The following GPC5 variants were observed in gnomAD, a reference collection of about 807,000 sequenced individuals.
GPC5 encodes glypican-5.
In GPC5, 47 loss-of-function variants were observed where a neutral mutation model predicts 53.9. That is an observed-to-expected ratio of 0.87 (90% CI 0.69 to 1.11). GPC5 has a LOEUF of 1.11. Ranked by LOEUF, GPC5 falls within the 50% of genes most tolerant of loss-of-function variation. The pLI, the probability that GPC5 is intolerant of heterozygous loss-of-function variation, is 0.00. For synonymous variants in GPC5, 286 were observed against 263.3 expected (o/e 1.09, Z -0.84); for missense variants, 748 against 713.1 (o/e 1.05, Z -0.56).
intron 7 of GPC5, among the ~76,000 whole-genome samples, chr13:92,281,263 G>A (rs900284026): frequency 6.6e-6 from 1 of 152,210 alleles, no homozygotes; most frequent in African/African-American, 2.4e-5. Context: ...CTCGAACTGG[G>A]TGGAGCCCAC....
intron 7 of GPC5, among the ~76,000 whole-genome samples, chr13:92,570,589 C>T (rs1246199951): frequency 2.0e-5 from 3 of 151,900 alleles, no homozygotes; most frequent in Admixed American, 2.0e-4. Flanking sequence ...ATTTATTTTA[C>T]TTAGTTGATA....
At chr13:92,096,250 C>T (rs1199247339) in intron 6 of GPC5, among the ~76,000 whole-genome samples, 1 of 152,216 alleles carries the variant, frequency 6.6e-6, no homozygotes, top group African/African-American at 2.4e-5. Flanking sequence ...ACTAACTCTC[C>T]CCCTTAGGGT....
At chr13:92,842,853 T>G (rs1186894693) in intron 7 of GPC5, among the ~76,000 whole-genome samples, 1 of 152,154 alleles carries the variant, frequency 6.6e-6, no homozygotes, top group Non-Finnish European at 1.5e-5. Context: ...AAAATGTTTA[T>G]AATACTTAAC....
At chr13:91,598,245 A>G (rs1421296594) in intron 2 of GPC5, among the ~76,000 whole-genome samples, 2 of 152,156 alleles carry the variant, frequency 1.3e-5, no homozygotes, top group Non-Finnish European at 2.9e-5. Context: ...AACTGGAAAA[A>G]GGTAGAAACT....
chr13:91,549,713 T>G (rs900175878), intron 2 of GPC5, among the ~76,000 whole-genome samples: 3 of 152,126 alleles, frequency 2.0e-5, no homozygotes, highest in Non-Finnish European at 4.4e-5. Context: ...AGTGAGATAC[T>G]ACTACAGACA....
At chr13:92,569,270 T>C (rs193261632) in intron 7 of GPC5, among the ~76,000 whole-genome samples, 81 of 152,052 alleles carry the variant, frequency 5.3e-4, no homozygotes, top group Non-Finnish European at 9.1e-4. Context: ...ATTGTTTCAA[T>C]GAATGCTCAC....
intron 7 of GPC5, among the ~76,000 whole-genome samples, chr13:92,615,081 A>G (rs1453243990): frequency 1.3e-5 from 2 of 152,230 alleles, no homozygotes; most frequent in African/African-American, 4.8e-5. Context: ...TCTTATGCAT[A>G]TGATTACCTC....
chr13:92,591,659 A>T (rs1053706694), intron 7 of GPC5, among the ~76,000 whole-genome samples: 2 of 152,136 alleles, frequency 1.3e-5, no homozygotes, highest in Admixed American at 6.5e-5. Context: ...CATTAGTTAT[A>T]GTCACCATGG....
chr13:92,251,060 T>G (rs1403281781), intron 7 of GPC5, among the ~76,000 whole-genome samples: 1 of 152,126 alleles, frequency 6.6e-6, no homozygotes, highest in African/African-American at 2.4e-5. Context: ...TTGTTATTCA[T>G]GTACTCCATG....
rs1880655329 is a variant in GPC5, at chr13:92,513,539, TCTCTCC to T, written c.1562-352740_1562-352735del. ...CTCTCTCATTCTCTTTCCCTCCCTT[TCTCTCC>T]CTTTCCTTTCCTTTCCTTTCCTTTT... is the stretch of plus-strand genomic sequence containing the variant. On this transcript the variant is annotated intron_variant, in intron 7 of 7. Coordinates refer to ENST00000377067, the MANE Select transcript of GPC5 (RefSeq NM_004466.6). Among the ~76,000 whole-genome samples the T allele has an allele frequency of 4.3e-4, 41 of 95,460 alleles. No individual in the cohort carries two copies. The Admixed American group carries it at 5.1e-3, about 12-fold the overall frequency. The allele number at this position is 95,460 out of a possible 152,430, so 62.6% of individuals were successfully genotyped here. A position where few individuals can be genotyped will look rare whatever the true frequency, so the allele number is the denominator to read the frequency against.
chr13:92,556,667 T>A (rs990296031), intron 7 of GPC5, among the ~76,000 whole-genome samples: 4 of 151,872 alleles, frequency 2.6e-5, no homozygotes, highest in Non-Finnish European at 4.4e-5. Context: ...TCAACCCCTT[T>A]TTTTAATGTA....
At chr13:92,405,487 G>T (rs1260609230) in intron 7 of GPC5, among the ~76,000 whole-genome samples, 1 of 152,134 alleles carries the variant, frequency 6.6e-6, no homozygotes, top group African/African-American at 2.4e-5. Context: ...TAAGTGTATA[G>T]AACCTATTTT....
chr13:91,901,153 A>G (rs1201253889), intron 5 of GPC5, among the ~76,000 whole-genome samples: 3 of 152,096 alleles, frequency 2.0e-5, no homozygotes, highest in African/African-American at 4.8e-5. Flanking sequence ...TTTGTTATAT[A>G]TAAATAACAA....
At chr13:92,760,947 T>C (rs1875143058) in intron 7 of GPC5, among the ~76,000 whole-genome samples, 1 of 152,192 alleles carries the variant, frequency 6.6e-6, no homozygotes, top group Non-Finnish European at 1.5e-5. Flanking sequence ...TTTCCACATA[T>C]TTGTGAATTT....
chr13:92,612,705 C>A (rs1387832380), intron 7 of GPC5, among the ~76,000 whole-genome samples: 1 of 151,998 alleles, frequency 6.6e-6, no homozygotes, highest in East Asian at 1.9e-4. Flanking sequence ...TTCATTCTCC[C>A]AACAGAATTC....
rs149241303 is a variant in GPC5 at position 91,635,634 on chromosome 13, G to A, written c.326-57553G>A. On this transcript the variant is annotated intron_variant, in intron 2 of 7. Coordinates refer to ENST00000377067, the MANE Select transcript of GPC5 (RefSeq NM_004466.6). ...ACTGATATCTTTAAATTACCTGAATGTATTGTAGTGAAGGCTGTGGGGTAG... is the reference window on the plus strand; with the variant it reads ...ACTGATATCTTTAAATTACCTGAATATATTGTAGTGAAGGCTGTGGGGTAG... Among the ~76,000 whole-genome samples, 455 of 152,108 alleles carry A rather than the reference G, an allele frequency of 3.0e-3. 3 individuals are homozygous for A. The highest frequency in any genetic ancestry group is 9.8e-3 in the African/African-American group (406 of 41,508).
chr13:92,631,425 G>C (rs548510661), intron 7 of GPC5, among the ~76,000 whole-genome samples: 1 of 152,026 alleles, frequency 6.6e-6, no homozygotes, highest in East Asian at 1.9e-4. Flanking sequence ...TAACATGCTA[G>C]CTATGTAATA....
chr13:91,428,858 A>G (rs1566387014), intron 1 of GPC5, among the ~76,000 whole-genome samples: 1 of 152,064 alleles, frequency 6.6e-6, no homozygotes, highest in Admixed American at 6.6e-5. Flanking sequence ...TTAGGAAAAA[A>G]TCTTGTTTTA....
At chr13:92,581,161 G>A (rs995721273) in intron 7 of GPC5, among the ~76,000 whole-genome samples, 2 of 151,988 alleles carry the variant, frequency 1.3e-5, no homozygotes, top group Non-Finnish European at 2.9e-5. Flanking sequence ...ATATAACAGA[G>A]CTCTTGAACT....
Sources: gnomAD v4.1 joint callset for allele counts (sites outside exome capture counted in the v4.1 genomes callset) on GRCh38, gnomAD v4.1.1 for gene constraint, MANE v1.5 for transcripts, NCBI Gene and HGNC (gene_info 2026-07-23, HGNC 2026-07-21) for gene names.